EP400: variants seen among roughly 807,000 people sequenced by gnomAD.
The protein encoded by EP400 is E1A-binding protein p400.
A neutral mutation model predicts 354.1 loss-of-function variants in EP400; 105 were observed. The ratio of observed to expected loss-of-function variants is 0.30; its 90% CI spans 0.25 to 0.35. The LOEUF (loss-of-function observed/expected upper bound fraction) is 0.35. EP400 is among the 10% of genes least tolerant of loss of function. The pLI is 1.00. For synonymous variants in EP400, 1,646 were observed against 1,716.9 expected (o/e 0.96, Z 1.02); for missense variants, 3,280 against 4,121.0 (o/e 0.80, Z 5.59).
At position 131,958,285 on chromosome 12, in the gene EP400, C is replaced by T. The variant is rs138307621; in HGVS notation, c.-35-2300C>T. ...GCACCCACTCTGATGGGCTCTCTGC[C>T]GGGTGGTGGGAGGGGCATGCTCTTG... is the stretch of plus-strand genomic sequence containing the variant. On this transcript the variant is annotated intron_variant, in intron 1 of 52. Transcript: ENST00000389561. Among the ~76,000 whole-genome samples the T allele has an allele frequency of 1.8e-3, 281 of 152,106 alleles. 1 individual carries two copies. Among genetic ancestry groups the T allele is most frequent in the African/African-American group, 6.6e-3 (273 of 41,492 alleles).
chr12:132,008,317 G>A (rs1172881131), intron 15 of EP400, among the ~76,000 whole-genome samples: 5 of 152,158 alleles, frequency 3.3e-5, no homozygotes, highest in South Asian at 2.1e-4. Context: ...TGTTGAATAC[G>A]TCTTCCTTGC....
chr12:131,959,889 G>A (rs927946489), intron 1 of EP400, among the ~76,000 whole-genome samples: 8 of 152,198 alleles, frequency 5.3e-5, no homozygotes, highest in Non-Finnish European at 1.0e-4. Flanking sequence ...CAGTAGCCCC[G>A]GGCCTGACAC....
At chr12:131,995,079 C>G in intron 12 of EP400, 123 bp downstream of exon 12, 1 of 885,094 alleles carries the variant, frequency 1.1e-6, no homozygotes, top group Middle Eastern at 3.2e-4. Context: ...GAAAACAGTC[C>G]CTGTGTGCCT....
In EP400 at chr12:132,077,858, G is replaced by C; in HGVS notation, c.*185G>C. On this transcript the variant is annotated 3_prime_UTR_variant, in exon 53 of 53. Transcript: ENST00000389561. ...CACTGCAGGACAAATGGTCCTTATG[G>C]AGTGCCGCGTTCTCTGTACTACGTG... 1.3e-6 allele frequency: 1 copy of C among 797,630 alleles called. No homozygotes were observed. The highest frequency in any genetic ancestry group is 1.9e-6 in the Non-Finnish European group (1 of 520,918). The allele number at this position is 797,630 out of a possible 1,614,324, so 49.4% of individuals were successfully genotyped here.
In EP400 at chr12:132,076,327, T is replaced by C. The variant is rs533935398; in HGVS notation, c.9022-189T>C. The C allele has an allele frequency of 5.8e-6, 4 of 692,700 alleles. No homozygotes were observed. The East Asian group carries it at 1.1e-4, about 19-fold the overall frequency. The allele number at this position is 692,700 out of a possible 1,614,324, so 42.9% of individuals were successfully genotyped here. A position where few individuals can be genotyped will look rare whatever the true frequency, so the allele number is the denominator to read the frequency against. On this transcript the variant is annotated intron_variant, in intron 51 of 52. Transcript: ENST00000389561. The stretch of plus-strand genomic sequence containing the variant: ...GATGGCAAATTGGGGAGGCAGTCAG[T>C]TGACTCACCATGCAGTGGAACGACT...
At chr12:132,060,073 T>C (rs1196548595) in intron 45 of EP400, among the ~76,000 whole-genome samples, 1 of 150,548 alleles carries the variant, frequency 6.6e-6, no homozygotes, top group Non-Finnish European at 1.5e-5. Context: ...AGATTGAGAG[T>C]ATCTGAATAT....
At chr12:132,045,014 G>A (rs1289223040) in intron 37 of EP400, 61 bp downstream of exon 37, 11 of 1,594,130 alleles carry the variant, frequency 6.9e-6, no homozygotes, top group South Asian at 2.2e-5. Context: ...ATCCCTGCAT[G>A]TCAGCCACTT....
In EP400 at chr12:132,027,525, G is replaced by A. The variant is rs116870851; in HGVS notation, c.5103G>A (p.Pro1701=). The A allele has an allele frequency of 7.8e-3, 12,647 of 1,611,216 alleles. 64 individuals carry two copies. The highest frequency in any genetic ancestry group is 8.7e-3 in the Non-Finnish European group (10,229 of 1,178,460). The change falls in exon 26 of 53, where the codon CCG becomes CCA. Residue 1701 remains proline, a synonymous_variant. Transcript: ENST00000389561. The surrounding 1 kb of genome is among the most constrained non-coding windows in gnomAD (Gnocchi z 4.9). ...AACCAGCTTCTCCCATTGGAGGGCC[G>A]ACCCAGGTAAGCACCTGAGCTTGAG... The part of the protein sequence containing the change: ...ASKPASPIGG[P]TQEEKTRLLK...
rs769128326 is a variant in EP400 at position 132,011,546 on chromosome 12, A to G, written c.3353A>G (p.Lys1118Arg). ...GTTGTGAGAAGTTGTAACATACTCA[A>G]GTGGGAGCTTGAATTGAAACGTTGG... ...LVVVRSCNIL[K>R]WELELKRWCP... is the part of the protein sequence containing the mutation. Residue 1118 changes from lysine to arginine, a missense_variant, in exon 16 of 53, where the codon AAG (lysine) becomes AGG (arginine). By Grantham distance (26) the Lys-to-Arg change is conservative. Around this residue, in one of 20 missense-constraint regions of EP400, gnomAD observed 242 missense variants for 357.9 expected, o/e 0.68. Coordinates refer to ENST00000389561, the MANE Select transcript of EP400 (RefSeq NM_015409.5). 98 of 1,614,246 alleles carry G rather than the reference A, an allele frequency of 6.1e-5. No individual in the cohort carries two copies. Among genetic ancestry groups the G allele is most frequent in the Non-Finnish European group, 7.9e-5 (93 of 1,180,042 alleles).
chr12:132,066,646 T>C, intron 48 of EP400, 128 bp from the exon 49 acceptor site: 1 of 991,780 alleles, frequency 1.0e-6, no homozygotes, highest in Non-Finnish European at 1.5e-6. Flanking sequence ...TCCTTTCCTG[T>C]TGGGCCACTT....
chr12:131,988,182 A>G (rs1593328645), intron 7 of EP400, among the ~76,000 whole-genome samples: 1 of 151,908 alleles, frequency 6.6e-6, no homozygotes, highest in Non-Finnish European at 1.5e-5. Flanking sequence ...GACTCACTCT[A>G]GAGGCCTTAA....
chr12:132,044,589 T>C (rs1895021206), intron 35 of EP400, 82 bp from the exon 36 acceptor site: 1 of 1,524,610 alleles, frequency 6.6e-7, no homozygotes, highest in Non-Finnish European at 9.0e-7. Context: ...AAAGACTTAA[T>C]GAGTATGAAG....
chr12:131,971,353 G>T (rs1316127641), intron 2 of EP400, among the ~76,000 whole-genome samples: 3 of 152,152 alleles, frequency 2.0e-5, no homozygotes, highest in Non-Finnish European at 4.4e-5. Context: ...AGTATTCCAT[G>T]TGTATATACT....
rs142766533 is a variant in EP400 at position 132,074,085 on chromosome 12, C to T, written c.9022-2431C>T. On this transcript the variant is annotated intron_variant, in intron 51 of 52. Transcript: ENST00000389561. ...GACTACAGGCACACACCACCATGCC[C>T]AGCTAATTTTTATATTTTTAGTAGA... Among the ~76,000 whole-genome samples, 871 of 151,796 alleles carry T rather than the reference C, an allele frequency of 5.7e-3. 15 individuals are homozygous for T. The South Asian group carries it at 0.057, about 10-fold the overall frequency.
chr12:131,954,726 GAAAAAAAAA>G (rs35935376), intron 1 of EP400, among the ~76,000 whole-genome samples: 1 of 83,736 alleles, frequency 1.2e-5, no homozygotes, highest in Non-Finnish European at 2.1e-5. Context: ...CTCCATCTCA[GAAAAAAAAA>G]AAAAAAAAAA....
chr12:131,977,704 C>T (rs75932059), intron 2 of EP400, among the ~76,000 whole-genome samples: 2,345 of 152,104 alleles, frequency 0.015, 60 homozygotes, highest in African/African-American at 0.053. Flanking sequence ...TTGTCCATTC[C>T]CTCTGTCCCT....
At position 132,069,619 on chromosome 12, in the gene EP400, A is replaced by G; in HGVS notation, c.8999A>G (p.Gln3000Arg). 1 of 1,614,222 alleles carries G rather than the reference A, an allele frequency of 6.2e-7. No individual in the cohort carries two copies. Residue 3000 changes from glutamine to arginine, a missense_variant, in exon 51 of 53, where the codon CAG (glutamine) becomes CGG (arginine). Coordinates refer to ENST00000389561, the MANE Select transcript of EP400 (RefSeq NM_015409.5). ...CAGGCCCAGAAACTGGCCGGGGCCC[A>G]GCAAGTGCAGACCCAGATCCAGGTG... is the stretch of plus-strand genomic sequence containing the variant. The part of the protein sequence containing the change: ...ISQAQKLAGA[Q>R]QVQTQIQVAK...
chr12:132,048,049 T>C (rs1895167635), intron 39 of EP400, among the ~76,000 whole-genome samples: 1 of 152,260 alleles, frequency 6.6e-6, no homozygotes, highest in Non-Finnish European at 1.5e-5. Context: ...TTATCTCTCT[T>C]GTTCCCTGAA....
chr12:131,969,061 G>C (rs74614974), intron 2 of EP400, among the ~76,000 whole-genome samples: 1 of 143,500 alleles, frequency 7.0e-6, no homozygotes, highest in Non-Finnish European at 1.5e-5. Flanking sequence ...TTTTTTTATC[G>C]TATTGGCAAG....
Sources: gnomAD v4.1 joint callset for allele counts (sites outside exome capture counted in the v4.1 genomes callset) on GRCh38, gnomAD v4.1.1 for gene constraint, gnomAD v4.1.1 regional missense constraint, Gnocchi (gnomAD v3.1) non-coding constraint, MANE v1.5 for transcripts, NCBI Gene and HGNC (gene_info 2026-07-23, HGNC 2026-07-21) for gene names.